COL14A1: variants seen among roughly 807,000 people sequenced by gnomAD.
COL14A1 encodes collagen alpha-1(XIV) chain.
COL14A1 carries 136 observed loss-of-function variants against 230.3 expected under a neutral mutation model. The ratio of observed to expected loss-of-function variants is 0.59; its 90% CI spans 0.51 to 0.68. The LOEUF (loss-of-function observed/expected upper bound fraction) is 0.68, where lower values mean the gene tolerates loss of function less well. COL14A1 is among the 30% of genes least tolerant of loss of function. The pLI is 0.00. For missense variants in COL14A1, 1,976 were observed against 2,215.8 expected (o/e 0.89, Z 2.17); for synonymous variants, 792 against 784.1 (o/e 1.01, Z -0.17).
intron 5 of COL14A1, among the ~76,000 whole-genome samples, chr8:120,172,302 C>T (rs1222019223): frequency 6.6e-6 from 1 of 152,052 alleles, no homozygotes; most frequent in Non-Finnish European, 1.5e-5. Flanking sequence ...AGGTACCCAC[C>T]ATCATGCCCA....
At position 120,372,999 on chromosome 8, in the gene COL14A1, C is replaced by T. The variant is rs1314137391; in HGVS notation, c.*1768C>T. ...CTTGTCTAAGGCTCATCAAGATGGC[C>T]TGACCCAGAGTCACCTAAGAGAACT... is the stretch of plus-strand genomic sequence containing the variant. On this transcript the variant is annotated 3_prime_UTR_variant, in exon 48 of 48. Transcript: ENST00000297848. Among the ~76,000 whole-genome samples the T allele has an allele frequency of 6.6e-6, 1 of 152,136 alleles. No individual in the cohort carries two copies. Among genetic ancestry groups the T allele is most frequent in the African/African-American group, 2.4e-5 (1 of 41,422 alleles).
At chr8:120,189,834 A>G (rs1417945683) in intron 5 of COL14A1, among the ~76,000 whole-genome samples, 2 of 152,014 alleles carry the variant, frequency 1.3e-5, no homozygotes, top group African/African-American at 2.4e-5. Flanking sequence ...TTATGGCTGT[A>G]TAGTATTCCA....
chr8:120,334,893 G>A (rs1821998662), intron 42 of COL14A1, among the ~76,000 whole-genome samples: 1 of 152,172 alleles, frequency 6.6e-6, no homozygotes. Context: ...TTCATGGGAA[G>A]TTTTAGGACA....
At chr8:120,311,572 C>T (rs972475603) in intron 37 of COL14A1, among the ~76,000 whole-genome samples, 10 of 152,236 alleles carry the variant, frequency 6.6e-5, no homozygotes, top group Middle Eastern at 6.8e-3. Context: ...GGACAAAGGA[C>T]GTTGACATGT....
chr8:120,199,419 A>G lies in COL14A1; in HGVS notation c.730A>G (p.Ile244Val), dbSNP rs1385933796. 1.9e-6 allele frequency: 3 copies of G among 1,601,764 alleles called. No homozygotes were observed. The highest frequency in any genetic ancestry group is 2.2e-5 in the East Asian group (1 of 44,524). ...TCTCCAAGGTCTTGCTTTGAACTACATTTTTGAAAATAGCTTCAAACCAGA... is the reference window on the plus strand; with the variant it reads ...TCTCCAAGGTCTTGCTTTGAACTACGTTTTTGAAAATAGCTTCAAACCAGA... ...NTLTGLALNY[I>V]FENSFKPEAG... The change falls in exon 8 of 48, where the codon ATT becomes GTT. Residue 244 changes from isoleucine (I) to valine (V), a missense_variant. Physicochemically the swap from Ile to Val is conservative, Grantham distance 29. Transcript: ENST00000297848.
chr8:120,291,559 C>CAAAA (rs375963111), intron 34 of COL14A1, among the ~76,000 whole-genome samples: 58 of 41,504 alleles, frequency 1.4e-3, no homozygotes, highest in African/African-American at 2.7e-3. Flanking sequence ...GACTCCATCT[C>CAAAA]AAAAAAAAAA....
At chr8:120,171,645 T>C (rs995248217) in intron 5 of COL14A1, among the ~76,000 whole-genome samples, 4 of 152,320 alleles carry the variant, frequency 2.6e-5, no homozygotes, top group African/African-American at 9.6e-5. Context: ...GTTTCAGGCT[T>C]GCTGTCTTTT....
intron 35 of COL14A1, among the ~76,000 whole-genome samples, chr8:120,299,112 T>G (rs1429689171): frequency 6.6e-6 from 1 of 151,982 alleles, no homozygotes; most frequent in Non-Finnish European, 1.5e-5. Context: ...AAAAAGTTAC[T>G]GAGTTGAAAA....
At position 120,289,828 on chromosome 8, in the gene COL14A1, A is replaced by T. The variant is rs1250106213; in HGVS notation, c.4236+62A>T. 9 of 1,510,116 alleles carry T rather than the reference A, an allele frequency of 6.0e-6. No homozygotes were observed. The East Asian group carries it at 2.1e-4, about 35-fold the overall frequency. 93.5% of individuals were successfully genotyped at this position (1,510,116 alleles called of 1,614,324 possible). ...AGGGAGAGAAATTATTTTAAAGTAC[A>T]TTAGCTATTTTCCAGGGGAAAGGTT... is the stretch of plus-strand genomic sequence containing the variant. On this transcript the variant is annotated intron_variant, in intron 34 of 47. Transcript: ENST00000297848.
intron 22 of COL14A1, among the ~76,000 whole-genome samples, chr8:120,251,097 C>T (rs1563696888): frequency 6.6e-6 from 1 of 152,196 alleles, no homozygotes; most frequent in Non-Finnish European, 1.5e-5. Context: ...TTTGTTTTCA[C>T]TGTAACTTTC....
At chr8:120,177,211 G>C (rs1816309424) in intron 5 of COL14A1, among the ~76,000 whole-genome samples, 1 of 152,138 alleles carries the variant, frequency 6.6e-6, no homozygotes, top group African/African-American at 2.4e-5. Context: ...TTGAGCCAAG[G>C]CCTGATGAAA....
At chr8:120,309,273 G>A (rs1343192190) in intron 36 of COL14A1, among the ~76,000 whole-genome samples, 1 of 152,096 alleles carries the variant, frequency 6.6e-6, no homozygotes, top group African/African-American at 2.4e-5. Flanking sequence ...ATAGTGTATT[G>A]ATTTCTAAGA....
At chr8:120,281,565 T>TA (rs61230108) in intron 31 of COL14A1, among the ~76,000 whole-genome samples, 17,953 of 138,062 alleles carry the variant, frequency 0.13, 2,472 homozygotes, top group African/African-American at 0.35. Flanking sequence ...ACCCCGTCTT[T>TA]AAAAAAAAAA....
chr8:120,345,515 C>A lies in COL14A1; in HGVS notation c.5029C>A (p.Pro1677Thr). Residue 1677 changes from proline to threonine, a missense_variant, in exon 45 of 48, where the codon CCA (proline) becomes ACA (threonine). By Grantham distance (38) the Pro-to-Thr change is conservative (BLOSUM62 -1). Around this residue, in one of 3 missense-constraint regions of COL14A1, gnomAD observed 1,791 missense variants for 2,019.5 expected, o/e 0.89. Transcript: ENST00000297848. ...TGGTGAACAAGGACCCCCAGGCACACCAGGCTTCCCCGGAAATGCAGGCGT... is the reference window on the plus strand; with the variant it reads ...TGGTGAACAAGGACCCCCAGGCACAACAGGCTTCCCCGGAAATGCAGGCGT... ...APGEQGPPGT[P>T]GFPGNAGVPG... 1 of 1,577,856 alleles carries A rather than the reference C, an allele frequency of 6.3e-7. No individual in the cohort carries two copies. The highest frequency in any genetic ancestry group is 8.6e-7 in the Non-Finnish European group (1 of 1,167,404).
At chr8:120,357,970 CCAAACA>C (rs1412618159) in intron 45 of COL14A1, among the ~76,000 whole-genome samples, 1 of 152,006 alleles carries the variant, frequency 6.6e-6, no homozygotes, top group African/African-American at 2.4e-5. Context: ...CATTTTCAAA[CCAAACA>C]CAAAGAACGA....
chr8:120,171,929 C>T (rs898765308), intron 5 of COL14A1, among the ~76,000 whole-genome samples: 8 of 151,968 alleles, frequency 5.3e-5, no homozygotes, highest in Non-Finnish European at 1.0e-4. Context: ...TCTTTTAGGA[C>T]ACTAGATCTC....
intron 2 of COL14A1, among the ~76,000 whole-genome samples, chr8:120,153,987 C>T (rs1015156017): frequency 6.6e-6 from 1 of 151,858 alleles, no homozygotes; most frequent in African/African-American, 2.4e-5. Flanking sequence ...GATGGTTGGC[C>T]CTATGCAGTG....
intron 40 of COL14A1, among the ~76,000 whole-genome samples, chr8:120,326,296 C>T (rs1341049411): frequency 6.6e-6 from 1 of 152,146 alleles, no homozygotes; most frequent in Non-Finnish European, 1.5e-5. Flanking sequence ...TAGATGTACC[C>T]GTTGGAACTC....
intron 19 of COL14A1, among the ~76,000 whole-genome samples, chr8:120,242,191 C>T (rs1203534203): frequency 1.3e-5 from 2 of 152,240 alleles, no homozygotes; most frequent in East Asian, 3.9e-4. Context: ...AATTTCAAAT[C>T]CAAAACACTT....
Sources: allele counts gnomAD v4.1 joint callset (sites outside exome capture counted in the v4.1 genomes callset), GRCh38; gene constraint gnomAD v4.1.1; regional missense constraint gnomAD v4.1.1; transcripts MANE v1.5; gene names NCBI Gene and HGNC (gene_info 2026-07-23, HGNC 2026-07-21).